PPP2R2B: variants seen among roughly 807,000 people sequenced by gnomAD.
PPP2R2B encodes the protein serine/threonine-protein phosphatase 2A 55 kDa regulatory subunit B beta isoform.
In PPP2R2B, 5 loss-of-function variants were observed where a neutral mutation model predicts 46.0. The observed-to-expected ratio is 0.11, with a 90% CI of 0.06 to 0.23. The LOEUF (loss-of-function observed/expected upper bound fraction) is 0.23, where lower values mean the gene tolerates loss of function less well. Among genes scored for constraint, PPP2R2B ranks in the 10% least tolerant of loss-of-function variants. PPP2R2B has a pLI of 1.00. For missense variants in PPP2R2B, 367 were observed against 575.0 expected (o/e 0.64, Z 3.70); for synonymous variants, 215 against 206.7 (o/e 1.04, Z -0.34).
chr5:146,962,639 A>G (rs1196147048), intron 1 of PPP2R2B, among the ~76,000 whole-genome samples: 3 of 152,010 alleles, frequency 2.0e-5, no homozygotes, highest in African/African-American at 7.2e-5. Flanking sequence ...ACTGGGCAAA[A>G]ATAAAAATAA....
chr5:146,770,347 A>G (rs1210791317), intron 2 of PPP2R2B, among the ~76,000 whole-genome samples: 4 of 151,068 alleles, frequency 2.6e-5, no homozygotes, highest in African/African-American at 9.7e-5. Flanking sequence ...AAAAAAAAAA[A>G]AAAAAAAAGA....
At chr5:147,077,640 G>T (rs1561616638) in intron 2 of PPP2R2B, among the ~76,000 whole-genome samples, 1 of 152,070 alleles carries the variant, frequency 6.6e-6, no homozygotes, top group Non-Finnish European at 1.5e-5. Flanking sequence ...TTCCATTGAG[G>T]CAGTGCTAGT....
At chr5:147,069,340 C>T (rs1344553347) in intron 2 of PPP2R2B, among the ~76,000 whole-genome samples, 2 of 152,146 alleles carry the variant, frequency 1.3e-5, no homozygotes, top group Non-Finnish European at 2.9e-5. Flanking sequence ...AGGAAGATTA[C>T]GTTACTGAAA....
At chr5:146,915,447 T>TACACACAC (rs34632167) in intron 1 of PPP2R2B, among the ~76,000 whole-genome samples, 18 of 147,630 alleles carry the variant, frequency 1.2e-4, no homozygotes, top group African/African-American at 4.0e-4. Context: ...TCTACCTATG[T>TACACACAC]ACACACACAC....
At chr5:146,922,990 G>A (rs1163331341) in intron 1 of PPP2R2B, among the ~76,000 whole-genome samples, 1 of 152,162 alleles carries the variant, frequency 6.6e-6, no homozygotes, top group Admixed American at 6.5e-5. Flanking sequence ...AGGAGTAAGC[G>A]AGATGTCATA....
intron 2 of PPP2R2B, among the ~76,000 whole-genome samples, chr5:146,776,023 T>C (rs1263991904): frequency 6.6e-6 from 1 of 152,062 alleles, no homozygotes; most frequent in Non-Finnish European, 1.5e-5. Flanking sequence ...ATGGGAAGAC[T>C]TAATACTGTT....
intron 1 of PPP2R2B, among the ~76,000 whole-genome samples, chr5:146,929,167 C>T (rs938360740): frequency 7.9e-5 from 12 of 152,306 alleles, no homozygotes; most frequent in African/African-American, 2.4e-4. Context: ...CCACATCCCT[C>T]TCACTCATTC....
chr5:146,896,421 CAAT>C (rs1031508013), intron 1 of PPP2R2B, among the ~76,000 whole-genome samples: 2 of 152,176 alleles, frequency 1.3e-5, no homozygotes, highest in Non-Finnish European at 2.9e-5. Context: ...TGACTCTACT[CAAT>C]AATGATTCCA....
At chr5:147,020,557 G>T (rs931500948) in intron 1 of PPP2R2B, among the ~76,000 whole-genome samples, 1 of 152,112 alleles carries the variant, frequency 6.6e-6, no homozygotes, top group Non-Finnish European at 1.5e-5. Flanking sequence ...AGCAAGAGGA[G>T]GAGACCAGGA....
intron 1 of PPP2R2B, among the ~76,000 whole-genome samples, chr5:147,041,316 T>C (rs538518320): frequency 5.4e-4 from 83 of 152,306 alleles, no homozygotes; most frequent in African/African-American, 1.9e-3. Context: ...ATAGCTCTGT[T>C]CACAGGCAAG....
chr5:146,704,707 G>A (rs962828342), intron 2 of PPP2R2B, among the ~76,000 whole-genome samples: 1 of 152,090 alleles, frequency 6.6e-6, no homozygotes, highest in Non-Finnish European at 1.5e-5. Flanking sequence ...TAGCTCAATA[G>A]GCACTATTAA....
intron 7 of PPP2R2B, among the ~76,000 whole-genome samples, chr5:146,616,316 T>C (rs1387867341): frequency 6.6e-6 from 1 of 152,172 alleles, no homozygotes; most frequent in East Asian, 1.9e-4. Context: ...CTCCAGGACA[T>C]TGGACTGGGC....
intron 2 of PPP2R2B, among the ~76,000 whole-genome samples, chr5:146,827,142 T>G (rs777153169): frequency 8.5e-5 from 13 of 152,150 alleles, no homozygotes; most frequent in Admixed American, 2.6e-4. Context: ...AAGGATATCA[T>G]AGGGGCTTAT....
At chr5:146,959,815 G>C (rs1023240000) in intron 1 of PPP2R2B, among the ~76,000 whole-genome samples, 1 of 152,094 alleles carries the variant, frequency 6.6e-6, no homozygotes, top group South Asian at 2.1e-4. Flanking sequence ...TTGGCTGGGG[G>C]AACATACAGA....
At chr5:146,989,444 A>G (rs992629696) in intron 1 of PPP2R2B, among the ~76,000 whole-genome samples, 2 of 152,242 alleles carry the variant, frequency 1.3e-5, no homozygotes, top group Admixed American at 1.3e-4. Flanking sequence ...ATGGTTCAAC[A>G]TATGAAAATC....
At chr5:146,624,388 G>C (rs972175910) in intron 7 of PPP2R2B, among the ~76,000 whole-genome samples, 1 of 152,136 alleles carries the variant, frequency 6.6e-6, no homozygotes, top group African/African-American at 2.4e-5. Context: ...AGCTGTCCTT[G>C]GTGCTTTCCT....
intron 1 of PPP2R2B, among the ~76,000 whole-genome samples, chr5:146,937,727 C>T (rs527384865): frequency 1.3e-5 from 2 of 151,996 alleles, no homozygotes; most frequent in African/African-American, 2.4e-5. Context: ...AGCTGCAGGT[C>T]GCTCGGTACA....
At chr5:146,590,381 T>TTTTG (rs1748689404) in intron 9 of PPP2R2B, among the ~76,000 whole-genome samples, 155 bp from the exon 10 acceptor site, 2 of 148,532 alleles carry the variant, frequency 1.3e-5, no homozygotes. Flanking sequence ...ATTATTGGCT[T>TTTTG]TTTGTTTTTT....
intron 1 of PPP2R2B, among the ~76,000 whole-genome samples, chr5:146,912,164 C>T (rs1191915811): frequency 2.2e-5 from 3 of 135,302 alleles, no homozygotes; most frequent in Admixed American, 1.7e-4. Context: ...GCTTGAACCT[C>T]GGAGGTGGAG....
Sources: gnomAD v4.1 joint callset for allele counts (sites outside exome capture counted in the v4.1 genomes callset) on GRCh38, gnomAD v4.1.1 for gene constraint, MANE v1.5 for transcripts, NCBI Gene and HGNC (gene_info 2026-07-23, HGNC 2026-07-21) for gene names.